The following SYT16 variants were observed in gnomAD, a reference collection of about 807,000 sequenced individuals.
The protein encoded by SYT16 is synaptotagmin 16, also known as synaptotagmin-16.
Under a neutral mutation model 61.4 loss-of-function variants are expected in SYT16, and 42 were observed. The ratio of observed to expected loss-of-function variants is 0.68; its 90% CI spans 0.53 to 0.89. The LOEUF is 0.89. Among genes scored for constraint, SYT16 ranks in the 40% least tolerant of loss-of-function variants. SYT16 has a pLI of 0.00. For missense variants in SYT16, 804 were observed against 807.3 expected (o/e 1.00, Z 0.05); for synonymous variants, 314 against 302.3 (o/e 1.04, Z -0.40).
chr14:62,024,590 G>A (rs1404226960), intron 3 of SYT16, among the ~76,000 whole-genome samples: 3 of 151,926 alleles, frequency 2.0e-5, no homozygotes, highest in African/African-American at 4.8e-5. Context: ...TTCTCCACCA[G>A]AGTGGTAGAT....
intron 1 of SYT16, among the ~76,000 whole-genome samples, chr14:61,953,509 C>G (rs1215581088): frequency 2.6e-5 from 4 of 152,112 alleles, no homozygotes; most frequent in African/African-American, 9.7e-5. Flanking sequence ...CTCTCTTGCT[C>G]TCTCTGGTTC....
chr14:61,870,707 A>G (rs1387129182), intron 1 of SYT16, among the ~76,000 whole-genome samples: 1 of 152,066 alleles, frequency 6.6e-6, no homozygotes, highest in Non-Finnish European at 1.5e-5. Context: ...ATGTCCCTAA[A>G]TCTTCTACAA....
At chr14:61,973,765 A>G (rs573009263) in intron 2 of SYT16, among the ~76,000 whole-genome samples, 2 of 152,194 alleles carry the variant, frequency 1.3e-5, no homozygotes, top group South Asian at 2.1e-4. Context: ...AGCATAGACA[A>G]TGTGACATGA....
chr14:61,820,146 G>T (rs2045567221), intron 1 of SYT16, among the ~76,000 whole-genome samples: 1 of 152,232 alleles, frequency 6.6e-6, no homozygotes, highest in Non-Finnish European at 1.5e-5. Flanking sequence ...CAAAGGTGCA[G>T]AACTCAGATT....
chr14:61,814,465 T>G (rs2045365762), intron 1 of SYT16, among the ~76,000 whole-genome samples: 1 of 152,224 alleles, frequency 6.6e-6, no homozygotes, highest in Non-Finnish European at 1.5e-5. Flanking sequence ...GCTATTTACT[T>G]TCTTATGTTT....
At chr14:61,965,709 CAAAT>C (rs1157596810) in intron 1 of SYT16, among the ~76,000 whole-genome samples, 2 of 151,200 alleles carry the variant, frequency 1.3e-5, no homozygotes, top group African/African-American at 4.9e-5. Context: ...GAGGAAAAAA[CAAAT>C]AGGGAAAAAT....
intron 1 of SYT16, among the ~76,000 whole-genome samples, chr14:61,878,998 C>G (rs1392182814): frequency 6.6e-6 from 1 of 152,074 alleles, no homozygotes; most frequent in African/African-American, 2.4e-5. Context: ...CTCTAAACCC[C>G]CAGACTTCCC....
intron 1 of SYT16, among the ~76,000 whole-genome samples, chr14:61,857,860 G>A (rs2046824058): frequency 6.6e-6 from 1 of 152,032 alleles, no homozygotes; most frequent in Admixed American, 6.5e-5. Context: ...TATATGGAAG[G>A]AAAGTTTGGT....
intron 1 of SYT16, chr14:61,832,463 T>G: frequency 2.5e-6 from 1 of 398,178 alleles, no homozygotes; most frequent in Admixed American, 2.8e-5. Flanking sequence ...CGAGACGGAG[T>G]TTTGCTCTTG....
At chr14:61,845,485 A>G (rs1053427925) in intron 1 of SYT16, among the ~76,000 whole-genome samples, 3 of 152,230 alleles carry the variant, frequency 2.0e-5, no homozygotes, top group African/African-American at 7.2e-5. Context: ...ATTGGCATAT[A>G]GTTGCTCATA....
At chr14:62,061,124 G>A (rs1452912869) in intron 3 of SYT16, among the ~76,000 whole-genome samples, 1 of 152,068 alleles carries the variant, frequency 6.6e-6, no homozygotes, top group African/African-American at 2.4e-5. Flanking sequence ...TTGTAGAGTG[G>A]TATAATATTG....
rs572421907 is a variant in SYT16 at position 61,893,425 on chromosome 14, C to T, written c.-324-76707C>T. Among the ~76,000 whole-genome samples, 4 of 152,286 alleles carry T rather than the reference C, an allele frequency of 2.6e-5. No individual in the cohort carries two copies. The South Asian group carries it at 8.3e-4, about 32-fold the overall frequency. The stretch of plus-strand genomic sequence containing the variant: ...ATATGGCACTGTATAAGAGCTTAGA[C>T]TTTGGAACCAAATGGCATAAGTTAA... On this transcript the variant is annotated intron_variant, in intron 1 of 7. Coordinates refer to ENST00000683842, the MANE Select transcript of SYT16 (RefSeq NM_001367656.1).
intron 7 of SYT16, among the ~76,000 whole-genome samples, chr14:62,085,128 G>C (rs1346841260): frequency 1.3e-5 from 2 of 152,180 alleles, no homozygotes; most frequent in Non-Finnish European, 2.9e-5. Context: ...AAAAGCTGCT[G>C]TTTTCAGTTG....
chr14:61,845,354 C>CT (rs2046414305), intron 1 of SYT16, among the ~76,000 whole-genome samples: 1 of 152,122 alleles, frequency 6.6e-6, no homozygotes, highest in African/African-American at 2.4e-5. Flanking sequence ...GCCTGGGAGA[C>CT]TTTTTATTAT....
intron 1 of SYT16, among the ~76,000 whole-genome samples, chr14:61,899,303 A>G (rs1276933966): frequency 6.6e-6 from 1 of 152,188 alleles, no homozygotes; most frequent in Non-Finnish European, 1.5e-5. Flanking sequence ...AGGGTCAGGT[A>G]GGGCCCTAGG....
intron 1 of SYT16, among the ~76,000 whole-genome samples, chr14:61,866,465 C>A (rs1238581713): frequency 6.6e-6 from 1 of 152,038 alleles, no homozygotes; most frequent in East Asian, 1.9e-4. Flanking sequence ...TTGTCATTCT[C>A]ATGGTTATAA....
intron 3 of SYT16, among the ~76,000 whole-genome samples, chr14:62,009,518 C>G (rs2053359233): frequency 6.6e-6 from 1 of 152,206 alleles, no homozygotes; most frequent in African/African-American, 2.4e-5. Context: ...AAACTACTAT[C>G]TCTCAGCTCA....
chr14:62,027,812 C>T (rs1482952356), intron 3 of SYT16, among the ~76,000 whole-genome samples: 3 of 152,160 alleles, frequency 2.0e-5, no homozygotes, highest in Non-Finnish European at 4.4e-5. Context: ...CTTGTGTTCT[C>T]CTTTTTTGCC....
At chr14:62,041,167 A>C (rs2054715224) in intron 3 of SYT16, among the ~76,000 whole-genome samples, 1 of 152,142 alleles carries the variant, frequency 6.6e-6, no homozygotes, top group Admixed American at 6.5e-5. Context: ...TATTCTGATT[A>C]GATTGTGCCC....
Sources: gnomAD v4.1 joint callset for allele counts (sites outside exome capture counted in the v4.1 genomes callset) on GRCh38, gnomAD v4.1.1 for gene constraint, MANE v1.5 for transcripts, NCBI Gene and HGNC (gene_info 2026-07-23, HGNC 2026-07-21) for gene names.